The following PIEZO2 variants were observed in gnomAD, a reference collection of about 807,000 sequenced individuals.
PIEZO2 encodes the protein piezo type mechanosensitive ion channel component 2.
Under a neutral mutation model 337.3 loss-of-function variants are expected in PIEZO2, and 172 were observed. The ratio of observed to expected loss-of-function variants is 0.51; its 90% CI spans 0.45 to 0.58. The LOEUF (loss-of-function observed/expected upper bound fraction) is 0.58, where lower values mean the gene tolerates loss of function less well. Ranked by LOEUF, PIEZO2 falls within the 20% of genes least tolerant of loss-of-function variation. PIEZO2 has a pLI of 0.00. For synonymous variants in PIEZO2, 1,251 were observed against 1,228.5 expected, an observed-to-expected ratio of 1.02 and a Z score of -0.38; for missense variants, 3,028 against 3,391.3, an observed-to-expected ratio of 0.89 and a Z score of 2.66.
chr18:11,022,457 G>T (rs964611489), intron 2 of PIEZO2, among the ~76,000 whole-genome samples: 3 of 152,216 alleles, frequency 2.0e-5, no homozygotes, highest in African/African-American at 7.2e-5. Flanking sequence ...TGTCTCAGTT[G>T]TAAAGGCTAG....
chr18:10,731,639 C>A (rs532352090), intron 35 of PIEZO2, 118 bp from the exon 36 acceptor site: 1 of 528,508 alleles, frequency 1.9e-6, no homozygotes. Flanking sequence ...CTAAACATCC[C>A]GGGCTATTTT....
At chr18:10,722,718 T>C (rs2036370670) in intron 36 of PIEZO2, among the ~76,000 whole-genome samples, 1 of 152,190 alleles carries the variant, frequency 6.6e-6, no homozygotes. Context: ...GCACTGAAAT[T>C]GGCACACTGG....
At chr18:10,804,134 A>C (rs1338864690) in intron 8 of PIEZO2, 140 bp from the exon 9 acceptor site, 13 of 1,074,218 alleles carry the variant, frequency 1.2e-5, no homozygotes, top group Non-Finnish European at 1.7e-5. Flanking sequence ...GATTTTATCA[A>C]GACACTTTAA....
At chr18:10,749,556 C>G (rs1046481150) in intron 29 of PIEZO2, among the ~76,000 whole-genome samples, 1 of 152,160 alleles carries the variant, frequency 6.6e-6, no homozygotes, top group East Asian at 1.9e-4. Flanking sequence ...TGGTAGGCCA[C>G]GTGTGATGTC....
intron 7 of PIEZO2, among the ~76,000 whole-genome samples, chr18:10,842,943 G>C (rs778310526): frequency 4.6e-5 from 7 of 152,128 alleles, no homozygotes; most frequent in Admixed American, 1.3e-4. Context: ...AAAGTATCTT[G>C]CTTCTCATTT....
chr18:11,082,672 T>C (rs555073886), intron 1 of PIEZO2, among the ~76,000 whole-genome samples: 2 of 152,332 alleles, frequency 1.3e-5, no homozygotes, highest in South Asian at 4.1e-4. Flanking sequence ...AAATAATTCT[T>C]AAAGTTTTTT....
chr18:11,128,503 T>G lies in PIEZO2; in HGVS notation c.64+20022A>C, dbSNP rs1187719880. Among the ~76,000 whole-genome samples the G allele has an allele frequency of 6.6e-6, 1 of 152,166 alleles. No homozygotes were observed. The highest frequency in any genetic ancestry group is 2.1e-4 in the South Asian group (1 of 4,828). On this transcript the variant is annotated intron_variant, in intron 1 of 55. Coordinates refer to ENST00000674853, the MANE Select transcript of PIEZO2 (RefSeq NM_001378183.1). This position sits in a 1 kb window ranked among gnomAD's most constrained non-coding sequence, Gnocchi z 4.1. ...AGCTGAGGACACTGAGTTTGTAAAC[T>G]CTGATGAACCTTTTTTGCCAGAAGG... is the stretch of plus-strand genomic sequence containing the variant.
Position 10,750,153 on chromosome 18 carries a change from T to G in PIEZO2, c.4202A>C (p.His1401Pro). ...GACGYIGTLVHNSCWLIQAFS... is the reference protein window; with the variant it reads ...GACGYIGTLVPNSCWLIQAFS... Reference sequence around the variant, plus strand: ...AGCCTGGATCAACCAACAACTATTGTGCACCAATGTTCCAATGTATCCACA... The same window carrying G: ...AGCCTGGATCAACCAACAACTATTGGGCACCAATGTTCCAATGTATCCACA... The change falls in exon 29 of 56, where the codon CAC (histidine) becomes CCC (proline). Residue 1401 changes from histidine to proline, a missense_variant. Around this residue, in one of 5 missense-constraint regions of PIEZO2, gnomAD observed 1,925 missense variants for 2,051.9 expected, o/e 0.94. Coordinates refer to ENST00000674853, the MANE Select transcript of PIEZO2 (RefSeq NM_001378183.1). This position sits in a 1 kb window ranked among gnomAD's most constrained non-coding sequence, Gnocchi z 4.1. The G allele has an allele frequency of 6.5e-7, 1 of 1,537,172 alleles. No homozygotes were observed. Among genetic ancestry groups the G allele is most frequent in the South Asian group, 1.2e-5 (1 of 84,060 alleles).
At chr18:10,792,552 T>G (rs2039441016) in intron 13 of PIEZO2, among the ~76,000 whole-genome samples, 1 of 152,246 alleles carries the variant, frequency 6.6e-6, no homozygotes, top group Admixed American at 6.5e-5. Context: ...ATAAATGGAT[T>G]GTTTTTACTT....
At chr18:10,700,729 G>A (rs1465733405) in intron 43 of PIEZO2, among the ~76,000 whole-genome samples, 1 of 151,886 alleles carries the variant, frequency 6.6e-6, no homozygotes, top group African/African-American at 2.4e-5. Context: ...TAAAAAACAA[G>A]GTTAATACAT....
rs1483894885 is a variant in PIEZO2, at chr18:10,813,124, C to CA, written c.918-5851dup. Among the ~76,000 whole-genome samples the CA allele has an allele frequency of 2.0e-5, 3 of 151,960 alleles. No homozygotes were observed. Among genetic ancestry groups the CA allele is most frequent in the Non-Finnish European group, 2.9e-5 (2 of 67,990 alleles). On this transcript the variant is annotated intron_variant, in intron 7 of 55. Transcript: ENST00000674853. The surrounding 1 kb of genome is among the most constrained non-coding windows in gnomAD (Gnocchi z 4.2). ...CCTCCGGAGTATCTAGGATTACAGG[C>CA]ACGCGCCACCACGCTCAGCTAAGTT...
In PIEZO2 at chr18:10,916,718, G is replaced by C. The variant is rs182136766; in HGVS notation, c.287-5490C>G. ...CAGCTGCAGCCTCGGCCAGCCCAGA[G>C]ACGCGCTCCCATAGTGCAGCAGCGG... On this transcript the variant is annotated intron_variant, in intron 3 of 55. Transcript: ENST00000674853. Among the ~76,000 whole-genome samples the C allele has an allele frequency of 3.2e-3, 487 of 152,286 alleles. 4 individuals carry two copies. Among genetic ancestry groups the C allele is most frequent in the African/African-American group, 0.01 (417 of 41,588 alleles).
At chr18:10,817,424 T>C (rs1378828468) in intron 7 of PIEZO2, among the ~76,000 whole-genome samples, 1 of 152,234 alleles carries the variant, frequency 6.6e-6, no homozygotes, top group Non-Finnish European at 1.5e-5. Context: ...AGTATCCATT[T>C]ATTAAAGCTA....
intron 42 of PIEZO2, among the ~76,000 whole-genome samples, chr18:10,703,764 A>AT (rs2035441160): frequency 2.6e-5 from 4 of 152,188 alleles, no homozygotes; most frequent in Admixed American, 2.6e-4. Flanking sequence ...AAGCAGGAAC[A>AT]TAAGAGTGAG....
chr18:10,951,271 TTC>T (rs1311564186), intron 3 of PIEZO2, among the ~76,000 whole-genome samples: 4 of 152,204 alleles, frequency 2.6e-5, no homozygotes, highest in African/African-American at 9.7e-5. Context: ...TTATAAAACC[TTC>T]TCTTTGTTTC....
At chr18:10,806,515 TC>T (rs1003318087) in intron 8 of PIEZO2, among the ~76,000 whole-genome samples, 19 of 152,026 alleles carry the variant, frequency 1.2e-4, no homozygotes, top group African/African-American at 4.3e-4. Context: ...AATATTCGAA[TC>T]CCCATCCCTC....
chr18:11,114,249 C>T (rs1428803277), intron 1 of PIEZO2, among the ~76,000 whole-genome samples: 3 of 152,178 alleles, frequency 2.0e-5, no homozygotes, highest in Non-Finnish European at 4.4e-5. Context: ...CTCTCAGAAA[C>T]CTCCTCTCAA....
chr18:10,763,536 G>A (rs915038982), intron 21 of PIEZO2, among the ~76,000 whole-genome samples: 8 of 152,168 alleles, frequency 5.3e-5, no homozygotes, highest in African/African-American at 1.9e-4. Context: ...TAGCATGGTG[G>A]GGACAGGCAA....
At chr18:10,763,179 T>C in intron 21 of PIEZO2, 81 bp from the exon 22 acceptor site, 2 of 1,413,208 alleles carry the variant, frequency 1.4e-6, no homozygotes, top group Non-Finnish European at 1.9e-6. Flanking sequence ...CAGGATGACT[T>C]GATTTACTCA....
Sources: allele counts gnomAD v4.1 joint callset (sites outside exome capture counted in the v4.1 genomes callset), GRCh38; gene constraint gnomAD v4.1.1; regional missense constraint gnomAD v4.1.1; non-coding constraint Gnocchi (gnomAD v3.1); transcripts MANE v1.5; gene names NCBI Gene and HGNC (gene_info 2026-07-23, HGNC 2026-07-21).